The following FAM13C variants were observed in gnomAD, a reference collection of about 807,000 sequenced individuals.
FAM13C encodes the protein family with sequence similarity 13 member C.
In FAM13C, 37 loss-of-function variants were observed where a neutral mutation model predicts 73.2. That is an observed-to-expected ratio of 0.51 (90% CI 0.39 to 0.67). The LOEUF is 0.67. Among genes scored for constraint, FAM13C ranks in the 30% least tolerant of loss-of-function variants. The pLI is 0.00. For missense variants in FAM13C, 589 were observed against 715.6 expected (o/e 0.82, Z 2.02); for synonymous variants, 246 against 260.9 (o/e 0.94, Z 0.55).
At chr10:59,288,365 C>G (rs563014489) in intron 5 of FAM13C, among the ~76,000 whole-genome samples, 254 of 152,282 alleles carry the variant, frequency 1.7e-3, no homozygotes, top group Non-Finnish European at 3.1e-3. Context: ...TGGTGGCACA[C>G]TCCTGTAATC....
chr10:59,247,436 C>G lies in FAM13C; in HGVS notation c.*178G>C, dbSNP rs1320378145. ...TGGCTACCTGTTGTATTCTTCCCCC[C>G]GTTTAAATCCCTTCTCCTTGTATAT... is the stretch of plus-strand genomic sequence containing the variant. On this transcript the variant is annotated 3_prime_UTR_variant, in exon 14 of 14. Coordinates refer to ENST00000618804, the MANE Select transcript of FAM13C (RefSeq NM_198215.4). 8 of 695,768 alleles carry G rather than the reference C, an allele frequency of 1.1e-5. No individual in the cohort carries two copies. In the Admixed American group the frequency reaches 1.8e-4, roughly 16 times the overall value. 43.1% of individuals were successfully genotyped at this position (695,768 alleles called of 1,614,324 possible).
chr10:59,259,404 G>C (rs1000489807), intron 10 of FAM13C, among the ~76,000 whole-genome samples: 1 of 152,110 alleles, frequency 6.6e-6, no homozygotes, highest in Admixed American at 6.6e-5. Context: ...TTAAAGAAAC[G>C]GGACCTAATG....
intron 1 of FAM13C, chr10:59,360,985 C>T: frequency 7.9e-7 from 1 of 1,270,940 alleles, no homozygotes; most frequent in Admixed American, 2.3e-5. Context: ...GGCCAGAAAG[C>T]ACTTAGTACT....
intron 5 of FAM13C, 48 bp downstream of exon 5, chr10:59,302,753 C>T: frequency 6.5e-7 from 1 of 1,530,550 alleles, no homozygotes; most frequent in Non-Finnish European, 9.0e-7. Context: ...TAGTAAATCT[C>T]ATGATTGGCT....
rs1554811371 is a variant in FAM13C, at chr10:59,265,325, G to GC, written c.943-1160_943-1159insG. On this transcript the variant is annotated intron_variant, in intron 8 of 13. Coordinates refer to ENST00000618804, the MANE Select transcript of FAM13C (RefSeq NM_198215.4). ...AGGGATAGGGAAGGGGTTTTGGCGG[G>GC]GGGGGGGGGGAATCCTGGTTTCAGG... Among the ~76,000 whole-genome samples the GC allele has an allele frequency of 9.4e-4, 26 of 27,618 alleles. 5 individuals are homozygous for GC. Among genetic ancestry groups the GC allele is most frequent in the East Asian group, 3.0e-3 (2 of 676 alleles). 18.1% of individuals were successfully genotyped at this position (27,618 alleles called of 152,430 possible).
chr10:59,348,439 T>A (rs1854593776), intron 3 of FAM13C, among the ~76,000 whole-genome samples: 1 of 152,254 alleles, frequency 6.6e-6, no homozygotes, highest in East Asian at 1.9e-4. Context: ...TCTCCCATAT[T>A]TGTCCAAGTC....
In FAM13C at chr10:59,270,055, T is replaced by G. The variant is rs752888748; in HGVS notation, c.647A>C (p.Asp216Ala). The G allele has an allele frequency of 1.2e-6, 2 of 1,613,654 alleles. No individual in the cohort carries two copies. The highest frequency in any genetic ancestry group is 1.7e-6 in the Non-Finnish European group (2 of 1,179,816). Residue 216 changes from aspartate to alanine, a missense_variant, in exon 7 of 14, where the codon GAC becomes GCC. Transcript: ENST00000618804. ...GQNEADSAPEDLHSVGTSRLL... is the reference protein window; with the variant it reads ...GQNEADSAPEALHSVGTSRLL... ...CCTGCTGGTCCCCACAGAGTGGAGG[T>G]CTTCTGGTGCACTGTCGGCCTCATT...
intron 4 of FAM13C, among the ~76,000 whole-genome samples, chr10:59,321,975 T>C (rs1460306511): frequency 1.3e-5 from 2 of 152,162 alleles, no homozygotes; most frequent in African/African-American, 2.4e-5. Context: ...TAGCCTGGCT[T>C]ATTCTTTCAC....
At chr10:59,283,601 G>T (rs1284683292) in intron 5 of FAM13C, 154 bp from the exon 6 acceptor site, 2 of 740,052 alleles carry the variant, frequency 2.7e-6, no homozygotes, top group Non-Finnish European at 4.8e-6. Flanking sequence ...TTCCTCCACT[G>T]CCTGGCAGGA....
chr10:59,276,647 T>C (rs1379638249), intron 6 of FAM13C, among the ~76,000 whole-genome samples: 1 of 152,330 alleles, frequency 6.6e-6, no homozygotes, highest in East Asian at 1.9e-4. Flanking sequence ...GTTGAATTAA[T>C]ATTTTAAGAA....
rs915163161 is a variant in FAM13C, at chr10:59,283,283, C to T, written c.592+80G>A. 5 of 1,469,476 alleles carry T rather than the reference C, an allele frequency of 3.4e-6. No individual in the cohort carries two copies. In the African/African-American group the frequency reaches 5.6e-5, roughly 16 times the overall value. The allele number at this position is 1,469,476 out of a possible 1,614,324, so 91.0% of individuals were successfully genotyped here. On this transcript the variant is annotated intron_variant, in intron 6 of 13. Coordinates refer to ENST00000618804, the MANE Select transcript of FAM13C (RefSeq NM_198215.4). Reference sequence around the variant, plus strand: ...CCCAGGCACTGTTTTCCCTCAGGGGCTCAGGCTGAGTGTGAACCAGCAAGA... The same window carrying T: ...CCCAGGCACTGTTTTCCCTCAGGGGTTCAGGCTGAGTGTGAACCAGCAAGA...
chr10:59,252,116 T>C (rs558594499), intron 12 of FAM13C, among the ~76,000 whole-genome samples: 5 of 152,286 alleles, frequency 3.3e-5, no homozygotes, highest in Middle Eastern at 3.4e-3. Flanking sequence ...AGCAAAACCC[T>C]TGTGAATGAA....
At chr10:59,325,224 G>A (rs1439977954) in intron 3 of FAM13C, among the ~76,000 whole-genome samples, 1 of 152,046 alleles carries the variant, frequency 6.6e-6, no homozygotes, top group Admixed American at 6.6e-5. Context: ...TAAGGGTGTG[G>A]GTTGAAGTCA....
At chr10:59,259,038 A>G (rs576236763) in intron 10 of FAM13C, among the ~76,000 whole-genome samples, 1 of 152,302 alleles carries the variant, frequency 6.6e-6, no homozygotes, top group African/African-American at 2.4e-5. Context: ...TATTTCCAAA[A>G]GAAAAGGACA....
At chr10:59,323,855 G>T in intron 4 of FAM13C, 133 bp downstream of exon 4, 1 of 789,714 alleles carries the variant, frequency 1.3e-6, no homozygotes, top group Non-Finnish European at 2.3e-6. Flanking sequence ...GCCCCTTTAA[G>T]CAGCTTTTCT....
chr10:59,336,134 C>A (rs1852692337), intron 3 of FAM13C, among the ~76,000 whole-genome samples: 1 of 152,182 alleles, frequency 6.6e-6, no homozygotes, highest in Admixed American at 6.5e-5. Flanking sequence ...AGACAAGGGA[C>A]TACTAGGCAA....
chr10:59,273,454 T>A (rs1161542654), intron 6 of FAM13C, among the ~76,000 whole-genome samples: 2 of 152,184 alleles, frequency 1.3e-5, no homozygotes, highest in Non-Finnish European at 2.9e-5. Context: ...CCTCAACATG[T>A]TGTCACTACT....
At chr10:59,287,033 C>CAAAAA (rs1202727571) in intron 5 of FAM13C, among the ~76,000 whole-genome samples, 1 of 38,978 alleles carries the variant, frequency 2.6e-5, no homozygotes, top group Non-Finnish European at 5.1e-5. Context: ...GACTCCATCT[C>CAAAAA]AAAAAAAAAA....
chr10:59,350,924 C>T (rs1475462862), intron 3 of FAM13C, among the ~76,000 whole-genome samples: 5 of 152,274 alleles, frequency 3.3e-5, no homozygotes, highest in South Asian at 4.1e-4. Context: ...GCAAAGTTAA[C>T]GCTTATGGAA....
Sources: gnomAD v4.1 joint callset for allele counts (sites outside exome capture counted in the v4.1 genomes callset) on GRCh38, gnomAD v4.1.1 for gene constraint, MANE v1.5 for transcripts, NCBI Gene and HGNC (gene_info 2026-07-23, HGNC 2026-07-21) for gene names.